Variants in FYB1 observed in about 807,000 individuals in gnomAD.
FYB1 encodes the protein FYN-binding protein 1.
A neutral mutation model predicts 94.1 loss-of-function variants in FYB1; 41 were observed. The ratio of observed to expected loss-of-function variants is 0.44; its 90% CI spans 0.34 to 0.57. The LOEUF is 0.57. Ranked by LOEUF, FYB1 falls within the 20% of genes least tolerant of loss-of-function variation. FYB1 has a pLI of 0.02. For synonymous variants in FYB1, 367 were observed against 353.2 expected (o/e 1.04, Z -0.44); for missense variants, 1,050 against 976.8 (o/e 1.07, Z -1.00).
rs532582290 is a variant in FYB1 at position 39,142,921 on chromosome 5, T to C, written c.1293-1780A>G. ...GTTTGTTTCCATGAGAAATAGCTCC[T>C]GGCTCGCTTCTTGTCTCTCTGGCTA... On this transcript the variant is annotated intron_variant, in intron 3 of 18. Coordinates refer to ENST00000512982, the MANE Select transcript of FYB1 (RefSeq NM_001465.6). 2.6e-5 allele frequency among the ~76,000 whole-genome samples: 4 copies of C among 152,352 alleles called. No homozygotes were observed. The South Asian group carries it at 8.3e-4, about 32-fold the overall frequency.
chr5:39,110,721 T>C, intron 16 of FYB1: 1 of 300,176 alleles, frequency 3.3e-6, no homozygotes, highest in Non-Finnish European at 6.4e-6. Flanking sequence ...CATGATCCAG[T>C]TTTAGGAAGA....
chr5:39,215,236 T>A (rs927104848), intron 1 of FYB1, among the ~76,000 whole-genome samples: 1 of 152,094 alleles, frequency 6.6e-6, no homozygotes, highest in Non-Finnish European at 1.5e-5. Context: ...TTAAAAAAGG[T>A]GTTTGAAGAA....
chr5:39,162,890 A>C (rs978738568), intron 2 of FYB1, among the ~76,000 whole-genome samples: 14 of 152,200 alleles, frequency 9.2e-5, no homozygotes, highest in African/African-American at 3.4e-4. Flanking sequence ...TATGTTTATA[A>C]GACATTTTAT....
rs1332599920 is a variant in FYB1, at chr5:39,170,421, TCAGCAG to T, written c.1136-16823_1136-16818del. The T allele has an allele frequency of 6.4e-6, 3 of 472,070 alleles. No individual in the cohort carries two copies. In the Admixed American group the frequency reaches 1.1e-4, roughly 17 times the overall value. The allele number at this position is 472,070 out of a possible 1,614,324, so 29.2% of individuals were successfully genotyped here. Reference sequence around the variant, plus strand: ...TGTCGCCGTCCTGGGCCGGACCCCCTCAGCAGCAGACCTGGAGGGGGCCCAGGCTGA... The same window carrying T: ...TGTCGCCGTCCTGGGCCGGACCCCCTCAGACCTGGAGGGGGCCCAGGCTGA... On this transcript the variant is annotated intron_variant, in intron 2 of 18. Coordinates refer to ENST00000512982, the MANE Select transcript of FYB1 (RefSeq NM_001465.6).
intron 14 of FYB1, among the ~76,000 whole-genome samples, chr5:39,120,527 T>G (rs1046733807): frequency 6.6e-6 from 1 of 152,108 alleles, no homozygotes; most frequent in Non-Finnish European, 1.5e-5. Flanking sequence ...TAATTTAAAT[T>G]AATTTTAAAA....
At chr5:39,238,925 C>A (rs1450516265) in intron 1 of FYB1, among the ~76,000 whole-genome samples, 1 of 152,010 alleles carries the variant, frequency 6.6e-6, no homozygotes, top group African/African-American at 2.4e-5. Context: ...TGCCAGTGTG[C>A]CTTTTTGGCC....
At chr5:39,206,290 T>C (rs1367822246) in intron 1 of FYB1, among the ~76,000 whole-genome samples, 4 of 152,216 alleles carry the variant, frequency 2.6e-5, no homozygotes, top group African/African-American at 9.6e-5. Context: ...TAATATTGGC[T>C]TCTTAGCTTT....
intron 1 of FYB1, among the ~76,000 whole-genome samples, chr5:39,228,111 ATAT>A (rs1750562422): frequency 6.6e-6 from 1 of 152,176 alleles, no homozygotes. Context: ...AAGAGCAATA[ATAT>A]TATTTCCACC....
intron 9 of FYB1, among the ~76,000 whole-genome samples, chr5:39,133,703 G>T (rs77148959): frequency 0.066 from 10,072 of 152,064 alleles, 441 homozygotes; most frequent in East Asian, 0.21. Flanking sequence ...GCCGTGGAAA[G>T]TTGGACCCTT....
intron 2 of FYB1, among the ~76,000 whole-genome samples, chr5:39,164,428 T>G (rs950324413): frequency 2.0e-5 from 3 of 152,142 alleles, no homozygotes; most frequent in East Asian, 3.9e-4. Context: ...ACGTTCTTTT[T>G]TTGTTGTTGT....
chr5:39,255,391 T>C (rs943293740), intron 1 of FYB1, among the ~76,000 whole-genome samples: 1 of 151,956 alleles, frequency 6.6e-6, no homozygotes, highest in Non-Finnish European at 1.5e-5. Context: ...GCATTTTGCA[T>C]CCTTGCTTTA....
chr5:39,167,008 A>C (rs556061637), intron 2 of FYB1, among the ~76,000 whole-genome samples: 2 of 152,330 alleles, frequency 1.3e-5, no homozygotes, highest in Non-Finnish European at 2.9e-5. Context: ...ACATAAACAT[A>C]AGATGATAAA....
At position 39,140,248 on chromosome 5, in the gene FYB1, A is replaced by G. The variant is rs541500040; in HGVS notation, c.1339+847T>C. ...CAATGTTTGAAGTTGACATGACATT[A>G]ATGTCTGAAATATAAAGGAACCCCT... On this transcript the variant is annotated intron_variant, in intron 4 of 18. Coordinates refer to ENST00000512982, the MANE Select transcript of FYB1 (RefSeq NM_001465.6). Among the ~76,000 whole-genome samples, 156 of 152,310 alleles carry G rather than the reference A, an allele frequency of 1.0e-3. 1 individual carries two copies. Among genetic ancestry groups the G allele is most frequent in the African/African-American group, 3.6e-3 (151 of 41,584 alleles).
Position 39,118,988 on chromosome 5 carries a change from T to C in FYB1, c.2287A>G (p.Ile763Val), listed in dbSNP as rs1467899573. ...VLYSTKVTTS[I>V]TSKKWGTRDL... is the part of the protein sequence containing the mutation. ...CTGGTTCCCCACTTTTTAGAAGTTA[T>C]GGAAGTTGTAACTTTAGTTGAATAT... is the stretch of plus-strand genomic sequence containing the variant. Residue 763 changes from isoleucine to valine, a missense_variant, in exon 16 of 19, where the codon ATA becomes GTA. Physicochemically the swap from Ile to Val is conservative, Grantham distance 29. Coordinates refer to ENST00000512982, the MANE Select transcript of FYB1 (RefSeq NM_001465.6). 12 of 1,545,182 alleles carry C rather than the reference T, an allele frequency of 7.8e-6. No individual in the cohort carries two copies. Among genetic ancestry groups the C allele is most frequent in the South Asian group, 4.8e-5 (4 of 82,502 alleles).
chr5:39,162,054 T>C, intron 2 of FYB1, among the ~76,000 whole-genome samples: 1 of 152,254 alleles, frequency 6.6e-6, no homozygotes, highest in East Asian at 1.9e-4. Flanking sequence ...TCATATTTCA[T>C]CATATGTCAC....
chr5:39,159,571 C>G (rs997869311), intron 2 of FYB1, among the ~76,000 whole-genome samples: 1 of 152,182 alleles, frequency 6.6e-6, no homozygotes, highest in Non-Finnish European at 1.5e-5. Flanking sequence ...GCCTTCCTCA[C>G]GTACTACAGA....
At chr5:39,241,732 A>C (rs1239234058) in intron 1 of FYB1, among the ~76,000 whole-genome samples, 2 of 151,740 alleles carry the variant, frequency 1.3e-5, no homozygotes, top group African/African-American at 4.8e-5. Flanking sequence ...GATACAGACC[A>C]CTCCTAGTGG....
At chr5:39,162,517 T>C (rs1038547885) in intron 2 of FYB1, among the ~76,000 whole-genome samples, 2 of 152,064 alleles carry the variant, frequency 1.3e-5, no homozygotes, top group African/African-American at 4.8e-5. Flanking sequence ...AAACCCCGTC[T>C]CTACTAAAAA....
rs998684141 is a variant in FYB1 at position 39,197,050 on chromosome 5, G to A, written c.1135+4776C>T. Among the ~76,000 whole-genome samples, 9 of 152,192 alleles carry A rather than the reference G, an allele frequency of 5.9e-5. 1 individual carries two copies. ...GGAAGAGGTTTAAAGAATTGGATGA[G>A]AACCTGGAAAGGAAGAAATGAGGTA... On this transcript the variant is annotated intron_variant, in intron 2 of 18. Coordinates refer to ENST00000512982, the MANE Select transcript of FYB1 (RefSeq NM_001465.6).
Sources: allele counts gnomAD v4.1 joint callset (sites outside exome capture counted in the v4.1 genomes callset), GRCh38; gene constraint gnomAD v4.1.1; transcripts MANE v1.5; gene names NCBI Gene and HGNC (gene_info 2026-07-23, HGNC 2026-07-21).